Variants in BEST3 observed in about 807,000 individuals in gnomAD.
BEST3 encodes bestrophin-3.
A neutral mutation model predicts 47.1 loss-of-function variants in BEST3; 50 were observed. The ratio of observed to expected loss-of-function variants is 1.06; its 90% confidence interval spans 0.85 to 1.34. BEST3 has a LOEUF of 1.34. BEST3 is among the 40% of genes most tolerant of loss of function. The probability of loss-of-function intolerance (pLI) is 0.00; values close to 1 mark genes in which losing one functional copy is unlikely to be tolerated. For missense variants in BEST3, 765 were observed against 817.0 expected (o/e 0.94, Z 0.78); for synonymous variants, 282 against 298.8 (o/e 0.94, Z 0.58).
At position 69,678,809 on chromosome 12, in the gene BEST3, C is replaced by T. The variant is rs754359170; in HGVS notation, c.566G>A (p.Gly189Glu). The T allele has an allele frequency of 6.2e-7, 1 of 1,614,010 alleles. No homozygotes were observed. Among genetic ancestry groups the T allele is most frequent in the South Asian group, 1.1e-5 (1 of 91,072 alleles). ...ATTCCGGGCTTTAGTTGCAAGATTT[C>T]CAAACCAGATGAATGGAACCCAATA... ...LKYWVPFIWF[G>E]NLATKARNEG... The change falls in exon 5 of 10, where the codon GGA becomes GAA. Residue 189 changes from glycine to glutamate, a missense_variant. Transcript: ENST00000330891.
At chr12:69,699,137 C>G in intron 1 of BEST3, 68 bp downstream of exon 1, 1 of 884,238 alleles carries the variant, frequency 1.1e-6, no homozygotes, top group Non-Finnish European at 1.4e-6. Context: ...CAAGCTCTGC[C>G]AGGAAAATGA....
At chr12:69,646,785 A>G (rs540625737) in intron 9 of BEST3, among the ~76,000 whole-genome samples, 3 of 152,274 alleles carry the variant, frequency 2.0e-5, no homozygotes, top group South Asian at 4.1e-4. Flanking sequence ...TTCCATTTTT[A>G]TTTGGAAAAA....
Position 69,693,883 on chromosome 12 carries a change from TTCAC to T in BEST3, c.268_271del (p.Val90ThrfsTer8). Reference sequence around the variant, plus strand: ...ATTCACAAACTGGTTCCACCATCGGTTCACTACCAGAGTAACATAAAACCCTGTA... The same window carrying T: ...ATTCACAAACTGGTTCCACCATCGGTTACCAGAGTAACATAAAACCCTGTA... On this transcript the variant is annotated frameshift_variant, in exon 4 of 10. Coordinates refer to ENST00000330891, the MANE Select transcript of BEST3 (RefSeq NM_032735.3). LOFTEE classifies it high-confidence loss of function. 1 of 1,611,630 alleles carries T rather than the reference TTCAC, an allele frequency of 6.2e-7. No individual in the cohort carries two copies. Among genetic ancestry groups the T allele is most frequent in the Non-Finnish European group, 8.5e-7 (1 of 1,178,782 alleles).
At chr12:69,661,861 G>A (rs963011154) in intron 9 of BEST3, among the ~76,000 whole-genome samples, 4 of 152,164 alleles carry the variant, frequency 2.6e-5, no homozygotes, top group Non-Finnish European at 5.9e-5. Flanking sequence ...CAAGGGCTTT[G>A]GCAAATCTGG....
chr12:69,660,083 C>A (rs370028239), intron 9 of BEST3: 220 of 152,242 alleles, frequency 1.4e-3, no homozygotes, highest in African/African-American at 4.8e-3. Flanking sequence ...TGACACCAAC[C>A]AGCTGTGTGA....
rs181731628 is a variant in BEST3 at position 69,679,868 on chromosome 12, A to C, written c.482-975T>G. Among the ~76,000 whole-genome samples the C allele has an allele frequency of 4.4e-3, 662 of 151,280 alleles. 4 individuals carry two copies. Among genetic ancestry groups the C allele is most frequent in the Admixed American group, 0.014 (213 of 15,204 alleles). On this transcript the variant is annotated intron_variant, in intron 4 of 9. Coordinates refer to ENST00000330891, the MANE Select transcript of BEST3 (RefSeq NM_032735.3). ...AGAGCGAGACTGTCTCCCCTGCCCC[A>C]AAAAAAGGGTTTCTTGGTGTGTGTG... is the stretch of plus-strand genomic sequence containing the variant.
chr12:69,670,284 C>T (rs1297773903), intron 9 of BEST3: 9 of 599,200 alleles, frequency 1.5e-5, no homozygotes, highest in East Asian at 5.6e-5. Flanking sequence ...CTGGAAGGAG[C>T]CCTGGGTGGG....
chr12:69,667,566 G>T (rs987870178), intron 9 of BEST3, among the ~76,000 whole-genome samples: 3 of 152,150 alleles, frequency 2.0e-5, no homozygotes, highest in African/African-American at 4.8e-5. Flanking sequence ...AAAGTGCTGG[G>T]ATTACAGGCA....
chr12:69,686,819 A>C (rs993255498), intron 4 of BEST3, among the ~76,000 whole-genome samples: 3 of 151,940 alleles, frequency 2.0e-5, no homozygotes, highest in Non-Finnish European at 2.9e-5. Flanking sequence ...AAGAAGGAAA[A>C]TATGCTGACC....
chr12:69,694,821 G>A (rs1201988840), intron 2 of BEST3, among the ~76,000 whole-genome samples: 3 of 152,128 alleles, frequency 2.0e-5, no homozygotes, highest in Admixed American at 6.5e-5. Flanking sequence ...TAAAAAGAGT[G>A]TATTATTGAT....
intron 4 of BEST3, among the ~76,000 whole-genome samples, chr12:69,680,339 T>A (rs1051223344): frequency 6.8e-6 from 1 of 147,184 alleles, no homozygotes; most frequent in African/African-American, 2.5e-5. Flanking sequence ...GATGGAGTCT[T>A]GCTCTGTCAC....
At chr12:69,670,161 C>A in intron 9 of BEST3, 1 of 303,242 alleles carries the variant, frequency 3.3e-6, no homozygotes, top group South Asian at 8.7e-5. Context: ...GCTGGATGTC[C>A]ATGAAGCTCT....
chr12:69,693,907 C>A lies in BEST3; in HGVS notation c.248G>T (p.Gly83Val). The A allele has an allele frequency of 6.3e-7, 1 of 1,594,588 alleles. No homozygotes were observed. The highest frequency in any genetic ancestry group is 8.6e-7 in the Non-Finnish European group (1 of 1,167,200). ...AEQIPVTFVLGFYVTLVVNRW... is the reference protein window; with the variant it reads ...AEQIPVTFVLVFYVTLVVNRW... ...GTTCACTACCAGAGTAACATAAAAC[C>A]CTGTAGAATAACAGGAAATTATAAA... is the stretch of plus-strand genomic sequence containing the variant. The change falls in exon 4 of 10, where the codon GGG becomes GTG. Residue 83 changes from glycine to valine, a missense_variant and splice_region_variant. Physicochemically the swap from Gly to Val is moderately radical, Grantham distance 109 (BLOSUM62 -3). Coordinates refer to ENST00000330891, the MANE Select transcript of BEST3 (RefSeq NM_032735.3).
At position 69,694,369 on chromosome 12, in the gene BEST3, C is replaced by A. The variant is rs1356452978; in HGVS notation, c.247+1G>T. 2.5e-6 allele frequency: 4 copies of A among 1,591,924 alleles called. No homozygotes were observed. In the East Asian group the frequency reaches 9.0e-5, roughly 36 times the overall value. The stretch of plus-strand genomic sequence containing the variant: ...GCAATCTGCGTGTGACCTATACTTA[C>A]CAAGCACAAAGGTTACTGGAATTTG... On this transcript the variant is annotated splice_donor_variant, in intron 3 of 9. Coordinates refer to ENST00000330891, the MANE Select transcript of BEST3 (RefSeq NM_032735.3). LOFTEE classifies it high-confidence loss of function.
At chr12:69,690,296 T>C (rs1385259533) in intron 4 of BEST3, among the ~76,000 whole-genome samples, 1 of 152,228 alleles carries the variant, frequency 6.6e-6, no homozygotes, top group Non-Finnish European at 1.5e-5. Flanking sequence ...TATTTCAGTA[T>C]TCCACATGCC....
intron 4 of BEST3, among the ~76,000 whole-genome samples, chr12:69,690,628 A>C (rs1592375029): frequency 6.6e-6 from 1 of 152,120 alleles, no homozygotes; most frequent in Admixed American, 6.5e-5. Context: ...GTCAGAATGC[A>C]CTCTCTTCAT....
rs1163216121 is a variant in BEST3 at position 69,671,536 on chromosome 12, T to A, written c.992A>T (p.Lys331Met). Residue 331 changes from lysine to methionine, a missense_variant, in exon 9 of 10, where the codon AAG becomes ATG. By Grantham distance (95) the Lys-to-Met change is moderately conservative. Coordinates refer to ENST00000330891, the MANE Select transcript of BEST3 (RefSeq NM_032735.3). ...AVDEMHMSLP[K>M]MKKDIYWDDS... is the part of the protein sequence containing the mutation. ...GTCCCAGTAAATGTCCTTCTTCATC[T>A]TGGGTAAGCTCATGTGCATTTCGTC... 1 of 1,613,884 alleles carries A rather than the reference T, an allele frequency of 6.2e-7. No individual in the cohort carries two copies. Among genetic ancestry groups the A allele is most frequent in the South Asian group, 1.1e-5 (1 of 91,086 alleles).
At chr12:69,672,439 A>T (rs1593160191) in intron 8 of BEST3, among the ~76,000 whole-genome samples, 1 of 152,338 alleles carries the variant, frequency 6.6e-6, no homozygotes, top group South Asian at 2.1e-4. Context: ...ACAAGCTGGC[A>T]TGGCCCAGGC....
chr12:69,672,720 T>A (rs1345930407), intron 8 of BEST3, among the ~76,000 whole-genome samples, 165 bp downstream of exon 8: 1 of 152,204 alleles, frequency 6.6e-6, no homozygotes, highest in African/African-American at 2.4e-5. Flanking sequence ...CTCGGATGTG[T>A]AAGCTTCTGA....
Sources: allele counts gnomAD v4.1 joint callset (sites outside exome capture counted in the v4.1 genomes callset), GRCh38; gene constraint gnomAD v4.1.1; transcripts MANE v1.5; gene names NCBI Gene and HGNC (gene_info 2026-07-23, HGNC 2026-07-21).